PLCB1: variants seen among roughly 807,000 people sequenced by gnomAD.
The protein encoded by PLCB1 is phospholipase C beta 1.
Under a neutral mutation model 161.8 loss-of-function variants are expected in PLCB1, and 46 were observed. The observed-to-expected ratio is 0.28, with a 90% CI of 0.22 to 0.36. The LOEUF (loss-of-function observed/expected upper bound fraction) is 0.36. Among genes scored for constraint, PLCB1 ranks in the 10% least tolerant of loss-of-function variants. The pLI is 1.00. For synonymous variants in PLCB1, 517 were observed against 503.7 expected, an observed-to-expected ratio of 1.03 and a Z score of -0.35; for missense variants, 1,016 against 1,472.5, an observed-to-expected ratio of 0.69 and a Z score of 5.07.
At chr20:8,315,957 A>C (rs1397933538) in intron 2 of PLCB1, among the ~76,000 whole-genome samples, 2 of 152,194 alleles carry the variant, frequency 1.3e-5, no homozygotes, top group Non-Finnish European at 2.9e-5. Flanking sequence ...AATGATATGC[A>C]ATCTTAACTA....
intron 31 of PLCB1, among the ~76,000 whole-genome samples, chr20:8,819,025 A>G (rs1300999836): frequency 1.3e-5 from 2 of 152,290 alleles, no homozygotes; most frequent in African/African-American, 2.4e-5. Flanking sequence ...GTAGAATTTG[A>G]CAAGCTGATT....
intron 3 of PLCB1, among the ~76,000 whole-genome samples, chr20:8,589,868 C>T (rs939844325): frequency 6.7e-6 from 1 of 149,866 alleles, no homozygotes; most frequent in Middle Eastern, 3.2e-3. Flanking sequence ...ATCCTCCCAC[C>T]TCAGCCTCCC....
intron 31 of PLCB1, among the ~76,000 whole-genome samples, chr20:8,850,122 T>C (rs1986838587): frequency 6.6e-6 from 1 of 152,184 alleles, no homozygotes; most frequent in African/African-American, 2.4e-5. Context: ...AGATTTCAAT[T>C]TAGAGCTGTG....
At chr20:8,313,712 A>G (rs986050867) in intron 2 of PLCB1, among the ~76,000 whole-genome samples, 5 of 152,216 alleles carry the variant, frequency 3.3e-5, no homozygotes, top group Non-Finnish European at 7.3e-5. Context: ...TTTTCTTTCC[A>G]GAATCTTGCT....
chr20:8,262,264 T>C (rs1981737431), intron 2 of PLCB1, among the ~76,000 whole-genome samples: 2 of 151,844 alleles, frequency 1.3e-5, no homozygotes, highest in Non-Finnish European at 2.9e-5. Flanking sequence ...TTTTTTATTG[T>C]ATTTTCAGTA....
At chr20:8,276,515 T>C (rs1408364855) in intron 2 of PLCB1, among the ~76,000 whole-genome samples, 1 of 152,218 alleles carries the variant, frequency 6.6e-6, no homozygotes, top group Non-Finnish European at 1.5e-5. Context: ...CTTTCATTGT[T>C]ATGTCATACA....
chr20:8,320,802 AAAG>A (rs1984875942), intron 2 of PLCB1, among the ~76,000 whole-genome samples: 2 of 145,532 alleles, frequency 1.4e-5, no homozygotes, highest in Non-Finnish European at 3.0e-5. Context: ...AAGAAAGAAG[AAAG>A]AAAGAAAGAA....
At chr20:8,866,988 T>C (rs995138272) in intron 31 of PLCB1, among the ~76,000 whole-genome samples, 1 of 152,184 alleles carries the variant, frequency 6.6e-6, no homozygotes, top group Non-Finnish European at 1.5e-5. Context: ...CTAGGACGGC[T>C]AACCACTCTT....
At chr20:8,170,304 A>G (rs1412392427) in intron 2 of PLCB1, among the ~76,000 whole-genome samples, 1 of 152,136 alleles carries the variant, frequency 6.6e-6, no homozygotes, top group Middle Eastern at 3.2e-3. Flanking sequence ...TTCAAATCCT[A>G]AAGTAGTTTT....
At chr20:8,650,043 T>C (rs2123296887) in intron 7 of PLCB1, 1 of 152,324 alleles carries the variant, frequency 6.6e-6, no homozygotes. Flanking sequence ...GAATGACCCT[T>C]GCTTTTTGTA....
At chr20:8,218,053 A>AC (rs1309319441) in intron 2 of PLCB1, among the ~76,000 whole-genome samples, 1 of 152,176 alleles carries the variant, frequency 6.6e-6, no homozygotes, top group African/African-American at 2.4e-5. Flanking sequence ...ATGGACTAAG[A>AC]CAGGTGGGCT....
intron 3 of PLCB1, among the ~76,000 whole-genome samples, chr20:8,619,537 A>T (rs1484235360): frequency 6.6e-6 from 1 of 152,224 alleles, no homozygotes; most frequent in African/African-American, 2.4e-5. Flanking sequence ...AAAATGTATT[A>T]ATTCTTTATG....
chr20:8,649,058 G>A (rs1989242500), intron 6 of PLCB1, among the ~76,000 whole-genome samples: 1 of 152,090 alleles, frequency 6.6e-6, no homozygotes, highest in African/African-American at 2.4e-5. Context: ...GGTAGTAGCA[G>A]CAAGGGGACA....
intron 2 of PLCB1, among the ~76,000 whole-genome samples, chr20:8,281,702 A>G (rs1488761552): frequency 1.3e-5 from 2 of 152,118 alleles, no homozygotes; most frequent in African/African-American, 4.8e-5. Flanking sequence ...TTGGTTTTAA[A>G]GTAACACATA....
intron 7 of PLCB1, among the ~76,000 whole-genome samples, chr20:8,654,330 A>G (rs1007071623): frequency 6.6e-6 from 1 of 152,026 alleles, no homozygotes; most frequent in South Asian, 2.1e-4. Context: ...GCCAAACAAC[A>G]ACAAGTCATC....
chr20:8,521,931 C>CT (rs1238183379), intron 3 of PLCB1, among the ~76,000 whole-genome samples: 2 of 152,306 alleles, frequency 1.3e-5, no homozygotes, highest in African/African-American at 4.8e-5. Context: ...CTCCTTCTTT[C>CT]TTAACATCAG....
chr20:8,249,225 T>C (rs1254177680), intron 2 of PLCB1, among the ~76,000 whole-genome samples: 1 of 151,984 alleles, frequency 6.6e-6, no homozygotes, highest in Non-Finnish European at 1.5e-5. Context: ...AAATAGAAGA[T>C]TTCCAAAACG....
chr20:8,544,849 G>T (rs1985473367), intron 3 of PLCB1, among the ~76,000 whole-genome samples: 1 of 151,240 alleles, frequency 6.6e-6, no homozygotes, highest in South Asian at 2.1e-4. Flanking sequence ...ACACAAAATA[G>T]TGAAATACAG....
In PLCB1 at chr20:8,757,056, G is replaced by A. The variant is rs749715935; in HGVS notation, c.2534G>A (p.Gly845Glu). ...EEEVKKEADP[G>E]ETPSEAPSEA... Reference sequence around the variant, plus strand: ...TATTTATAATTTTAGGCTGATCCTGGAGAAACACCATCAGAGGCTCCAAGT... The same window carrying A: ...TATTTATAATTTTAGGCTGATCCTGAAGAAACACCATCAGAGGCTCCAAGT... Residue 845 changes from glycine (G) to glutamate (E), a missense_variant, in exon 24 of 32, where the codon GGA becomes GAA. Coordinates refer to ENST00000338037, the MANE Select transcript of PLCB1 (RefSeq NM_015192.4). The A allele has an allele frequency of 3.7e-6, 6 of 1,607,202 alleles. No individual in the cohort carries two copies. Among genetic ancestry groups the A allele is most frequent in the Non-Finnish European group, 5.1e-6 (6 of 1,176,756 alleles).
Sources: allele counts gnomAD v4.1 joint callset (sites outside exome capture counted in the v4.1 genomes callset), GRCh38; gene constraint gnomAD v4.1.1; transcripts MANE v1.5; gene names NCBI Gene and HGNC (gene_info 2026-07-23, HGNC 2026-07-21).